CNTNAP2: variants seen among roughly 807,000 people sequenced by gnomAD.
The protein encoded by CNTNAP2 is contactin associated protein 2.
In CNTNAP2, 98 loss-of-function variants were observed where a neutral mutation model predicts 155.2. The observed-to-expected ratio is 0.63, with a 90% CI of 0.54 to 0.75. The LOEUF (loss-of-function observed/expected upper bound fraction) is 0.75, where lower values mean the gene tolerates loss of function less well. CNTNAP2 is among the 30% of genes least tolerant of loss of function. The pLI is 0.00. For synonymous variants in CNTNAP2, 651 were observed against 631.2 expected (o/e 1.03, Z -0.47); for missense variants, 1,727 against 1,688.1 (o/e 1.02, Z -0.40).
At chr7:147,477,069 G>A (rs1328492539) in intron 10 of CNTNAP2, among the ~76,000 whole-genome samples, 1 of 152,004 alleles carries the variant, frequency 6.6e-6, no homozygotes, top group Non-Finnish European at 1.5e-5. Context: ...TTACTTTGGG[G>A]CACAATATTT....
At chr7:148,263,610 G>A (rs542214206) in intron 20 of CNTNAP2, among the ~76,000 whole-genome samples, 4 of 151,902 alleles carry the variant, frequency 2.6e-5, no homozygotes, top group South Asian at 2.1e-4. Context: ...GGTGGCGGGC[G>A]CCTGGAGTCC....
rs545234124 is a variant in CNTNAP2, at chr7:146,398,307, T to G, written c.97+281334T>G. On this transcript the variant is annotated intron_variant, in intron 1 of 23. Coordinates refer to ENST00000361727, the MANE Select transcript of CNTNAP2 (RefSeq NM_014141.6). Reference sequence around the variant, plus strand: ...CAGGGCTAGGAAGGAATCAGGGAACTTATAATCATGGTGGAAAGGGAAACA... The same window carrying G: ...CAGGGCTAGGAAGGAATCAGGGAACGTATAATCATGGTGGAAAGGGAAACA... Among the ~76,000 whole-genome samples, 33 of 151,148 alleles carry G rather than the reference T, an allele frequency of 2.2e-4. No individual in the cohort carries two copies. In the South Asian group the frequency reaches 6.7e-3, roughly 31 times the overall value.
At chr7:147,637,931 C>T (rs10243377) in intron 12 of CNTNAP2, among the ~76,000 whole-genome samples, 16,004 of 152,150 alleles carry the variant, frequency 0.11, 1,072 homozygotes, top group Admixed American at 0.21. Context: ...GCTGAAATAT[C>T]TCCATAAAGA....
intron 3 of CNTNAP2, among the ~76,000 whole-genome samples, chr7:146,857,267 GAAGAAT>G (rs1367610723): frequency 3.3e-5 from 5 of 151,936 alleles, no homozygotes; most frequent in African/African-American, 1.2e-4. Flanking sequence ...GAGTAAAATA[GAAGAAT>G]AAGAATAAAG....
chr7:147,299,229 A>G (rs1794895159), intron 8 of CNTNAP2, among the ~76,000 whole-genome samples: 1 of 152,124 alleles, frequency 6.6e-6, no homozygotes, highest in South Asian at 2.1e-4. Flanking sequence ...CTTTGTCCAG[A>G]TGCTTATGTT....
In CNTNAP2 at chr7:146,783,550, C is replaced by T. The variant is rs10237422; in HGVS notation, c.208+9169C>T. On this transcript the variant is annotated intron_variant, in intron 2 of 23. Transcript: ENST00000361727. ...TAAATGATAGAATGTTGAAAGCAAA[C>T]TCACCAGGCAATGACTCATACATTT... Among the ~76,000 whole-genome samples, 1,329 of 152,236 alleles carry T rather than the reference C, an allele frequency of 8.7e-3. 22 individuals carry two copies. Among genetic ancestry groups the T allele is most frequent in the African/African-American group, 0.03 (1,238 of 41,534 alleles).
At chr7:146,451,905 ATTAT>A (rs1584931902) in intron 1 of CNTNAP2, among the ~76,000 whole-genome samples, 1 of 87,582 alleles carries the variant, frequency 1.1e-5, no homozygotes, top group Non-Finnish European at 2.1e-5. Context: ...TTATTTATTT[ATTAT>A]TTATTTATTT....
At chr7:148,363,609 G>T (rs1205270638) in intron 21 of CNTNAP2, among the ~76,000 whole-genome samples, 1 of 152,160 alleles carries the variant, frequency 6.6e-6, no homozygotes, top group Non-Finnish European at 1.5e-5. Context: ...CCTTCTATCT[G>T]GAATGCTTTT....
chr7:147,775,267 T>TTATATATATATTTATAAATA (rs1797547456), intron 13 of CNTNAP2, among the ~76,000 whole-genome samples: 4 of 73,726 alleles, frequency 5.4e-5, no homozygotes, highest in Admixed American at 2.1e-4. Flanking sequence ...ATAAATATAT[T>TTATATATATATTTATAAATA]TATATATATA....
chr7:146,185,894 T>A (rs7801541), intron 1 of CNTNAP2, among the ~76,000 whole-genome samples: 1,571 of 152,106 alleles, frequency 0.01, 27 homozygotes, highest in African/African-American at 0.036. Context: ...CTGGAGTATG[T>A]CCTCAGATAT....
At position 146,902,131 on chromosome 7, in the gene CNTNAP2, G is replaced by A. The variant is rs984766232; in HGVS notation, c.402+62227G>A. 6.6e-5 allele frequency among the ~76,000 whole-genome samples: 10 copies of A among 151,766 alleles called. No homozygotes were observed. In the East Asian group the frequency reaches 1.4e-3, roughly 21 times the overall value. On this transcript the variant is annotated intron_variant, in intron 3 of 23. Coordinates refer to ENST00000361727, the MANE Select transcript of CNTNAP2 (RefSeq NM_014141.6). Reference sequence around the variant, plus strand: ...GATCTCCTAAACTCGTGATCCACCCGTCTCGGCCTCCCAAAGTGCTGGGAT... The same window carrying A: ...GATCTCCTAAACTCGTGATCCACCCATCTCGGCCTCCCAAAGTGCTGGGAT...
intron 1 of CNTNAP2, among the ~76,000 whole-genome samples, chr7:146,158,591 C>A (rs535158460): frequency 6.6e-6 from 1 of 152,014 alleles, no homozygotes; most frequent in Non-Finnish European, 1.5e-5. Flanking sequence ...AACTATGTGA[C>A]GCATGTGCAA....
At chr7:147,504,057 T>C (rs1798864549) in intron 11 of CNTNAP2, among the ~76,000 whole-genome samples, 1 of 152,236 alleles carries the variant, frequency 6.6e-6, no homozygotes. Context: ...CTGTTGATTT[T>C]GTGAAATCTG....
At chr7:147,255,830 T>TTCAA (rs1804311979) in intron 8 of CNTNAP2, among the ~76,000 whole-genome samples, 1 of 152,162 alleles carries the variant, frequency 6.6e-6, no homozygotes, top group African/African-American at 2.4e-5. Context: ...CTCTGCTTTC[T>TTCAA]GGGTTCAAGG....
intron 8 of CNTNAP2, among the ~76,000 whole-genome samples, chr7:147,257,343 G>A (rs1417077917): frequency 6.6e-6 from 1 of 152,154 alleles, no homozygotes; most frequent in African/African-American, 2.4e-5. Context: ...GGGCAACATC[G>A]AGTAATTCCT....
chr7:148,021,713 G>A (rs1459139690), intron 15 of CNTNAP2, among the ~76,000 whole-genome samples: 1 of 152,210 alleles, frequency 6.6e-6, no homozygotes, highest in Non-Finnish European at 1.5e-5. Flanking sequence ...CAGGGTGGCA[G>A]GAATGCAGGA....
chr7:147,326,956 T>C (rs1015217545), intron 9 of CNTNAP2, among the ~76,000 whole-genome samples: 8 of 152,190 alleles, frequency 5.3e-5, no homozygotes, highest in African/African-American at 1.9e-4. Context: ...ACATGCTGAA[T>C]GGGTACATGC....
At chr7:146,667,053 A>C (rs1480787210) in intron 1 of CNTNAP2, among the ~76,000 whole-genome samples, 1 of 152,108 alleles carries the variant, frequency 6.6e-6, no homozygotes, top group African/African-American at 2.4e-5. Context: ...TACTCATAAA[A>C]TATTTTCCAG....
chr7:147,199,176 G>C (rs1802870763), intron 8 of CNTNAP2, among the ~76,000 whole-genome samples: 2 of 151,880 alleles, frequency 1.3e-5, no homozygotes, highest in Non-Finnish European at 2.9e-5. Context: ...TGCCCAGGCT[G>C]GTCTTGAACC....
Sources: gnomAD v4.1 joint callset for allele counts (sites outside exome capture counted in the v4.1 genomes callset) on GRCh38, gnomAD v4.1.1 for gene constraint, MANE v1.5 for transcripts, NCBI Gene and HGNC (gene_info 2026-07-23, HGNC 2026-07-21) for gene names.